GALC: variants seen among roughly 807,000 people sequenced by gnomAD.
GALC encodes the protein galactosylceramidase.
Under a neutral mutation model 91.8 loss-of-function variants are expected in GALC, and 77 were observed. The ratio of observed to expected loss-of-function variants is 0.84; its 90% confidence interval spans 0.70 to 1.01. GALC has a LOEUF of 1.01. Among genes scored for constraint, GALC ranks in the 50% least tolerant of loss-of-function variants. The pLI, the probability that GALC is intolerant of heterozygous loss-of-function variation, is 0.00. For missense variants in GALC, 882 were observed against 855.9 expected (o/e 1.03, Z -0.38); for synonymous variants, 357 against 306.7 (o/e 1.16, Z -1.71).
rs1248283732 is a variant in GALC, at chr14:87,984,460, G to A, written c.516C>T (p.Ala172=). Residue 172 remains alanine (A), a synonymous_variant, in exon 5 of 17, where the codon GCC becomes GCT. Coordinates refer to ENST00000261304, the MANE Select transcript of GALC (RefSeq NM_000153.4). ...DWPYVNLQLT[A]YYVVTWIVGA... ...CCACAATCCAGGTCACGACATAATA[G>A]GCAGTCAGCTGAAGATTGACATAAG... 8 of 1,613,990 alleles carry A rather than the reference G, an allele frequency of 5.0e-6. No homozygotes were observed. In the South Asian group the frequency reaches 8.8e-5, roughly 18 times the overall value.
At position 87,965,541 on chromosome 14, in the gene GALC, C is replaced by T. The variant is rs190921137; in HGVS notation, c.997G>A (p.Gly333Arg). Residue 333 changes from glycine (G) to arginine (R), a missense_variant, in exon 9 of 17, where the codon GGG (glycine) becomes AGG (arginine). Coordinates refer to ENST00000261304, the MANE Select transcript of GALC (RefSeq NM_000153.4). Reference protein sequence around the residue: ...GLMTAQEPWSGHYVVESPVWV... With the variant: ...GLMTAQEPWSRHYVVESPVWV... Reference sequence around the variant, plus strand: ...ACAGGAGATTCTACCACGTAGTGCCCACTCCATGGCTCCTGGGCCGTCATC... The same window carrying T: ...ACAGGAGATTCTACCACGTAGTGCCTACTCCATGGCTCCTGGGCCGTCATC... 678 of 1,613,492 alleles carry T rather than the reference C, an allele frequency of 4.2e-4. 2 individuals are homozygous for T. In the African/African-American group the frequency reaches 8.3e-3, roughly 20 times the overall value.
Position 87,970,445 on chromosome 14 carries a change from T to C in GALC, c.753-1955A>G, listed in dbSNP as rs557547138. ...TGAAGTTATAGGAATAGGTGATATA[T>C]CCTTCATTCAGAAAATGATGAAACT... On this transcript the variant is annotated intron_variant, in intron 7 of 16. Coordinates refer to ENST00000261304, the MANE Select transcript of GALC (RefSeq NM_000153.4). Among the ~76,000 whole-genome samples the C allele has an allele frequency of 8.5e-5, 13 of 152,204 alleles. 1 individual carries two copies. Among genetic ancestry groups the C allele is most frequent in the African/African-American group, 2.6e-4 (11 of 41,530 alleles).
intron 10 of GALC, among the ~76,000 whole-genome samples, chr14:87,957,320 TA>T (rs1885599347): frequency 6.6e-6 from 1 of 152,160 alleles, no homozygotes; most frequent in East Asian, 1.9e-4. Context: ...AGTTATAAAT[TA>T]TTTGCCTAGG....
At chr14:87,982,466 G>T (rs1886791353) in intron 5 of GALC, among the ~76,000 whole-genome samples, 1 of 151,968 alleles carries the variant, frequency 6.6e-6, no homozygotes, top group Non-Finnish European at 1.5e-5. Context: ...TATTTAGTGG[G>T]TATTTTTCAA....
At chr14:87,970,267 T>G (rs1886230641) in intron 7 of GALC, among the ~76,000 whole-genome samples, 1 of 152,140 alleles carries the variant, frequency 6.6e-6, no homozygotes. Context: ...TATTTCTATA[T>G]TAAAGAAAAC....
rs202135871 is a variant in GALC at position 87,947,749 on chromosome 14, A to T, written c.1468T>A (p.Tyr490Asn). Residue 490 changes from tyrosine (Y) to asparagine (N), a missense_variant, in exon 13 of 17, where the codon TAT becomes AAT. Transcript: ENST00000261304. ...TCACCAACATTGAAATCATCCTTAT[A>T]GGTACTTGGGAAGGGCTGGGATTTT... ...PPKSQPFPST[Y>N]KDDFNVDYPF... 2 of 1,612,868 alleles carry T rather than the reference A, an allele frequency of 1.2e-6. No individual in the cohort carries two copies. The highest frequency in any genetic ancestry group is 1.7e-6 in the Non-Finnish European group (2 of 1,179,208).
Position 87,945,636 on chromosome 14 carries a change from C to T in GALC, c.1587G>A (p.Thr529=), listed in dbSNP as rs184748969. 75 of 1,609,776 alleles carry T rather than the reference C, an allele frequency of 4.7e-5. No homozygotes were observed. Among genetic ancestry groups the T allele is most frequent in the Non-Finnish European group, 5.7e-5 (67 of 1,176,428 alleles). ...NIEDPGEHHF[T]LRQVLNQRPI... is the part of the protein sequence containing the mutation. ...GTCTCTGGTTGAGAACTTGGCGTAG[C>T]GTGAAGTGATGCTCGCCAGGGTCTT... Residue 529 remains threonine (T), a synonymous_variant, in exon 14 of 17, where the codon ACG becomes ACA. Coordinates refer to ENST00000261304, the MANE Select transcript of GALC (RefSeq NM_000153.4).
chr14:87,986,539 C>G lies in GALC; in HGVS notation c.392G>C (p.Trp131Ser). Residue 131 changes from tryptophan (W) to serine (S), a missense_variant, in exon 4 of 17, where the codon TGG becomes TCG. Coordinates refer to ENST00000261304, the MANE Select transcript of GALC (RefSeq NM_000153.4). ...LDENYFRGYE[W>S]WLMKEAKKRN... ...CTTCTTAGCTTCTTTCATCAACCAC[C>G]ACTCGTATCCTCGGAAATAATTCTC... The G allele has an allele frequency of 1.9e-6, 3 of 1,613,690 alleles. No individual in the cohort carries two copies. Among genetic ancestry groups the G allele is most frequent in the Non-Finnish European group, 2.5e-6 (3 of 1,179,640 alleles).
chr14:87,943,333 C>T (rs190913163), intron 14 of GALC, among the ~76,000 whole-genome samples: 1 of 152,100 alleles, frequency 6.6e-6, no homozygotes, highest in East Asian at 1.9e-4. Flanking sequence ...TACAATCTAT[C>T]CCATATAATC....
intron 10 of GALC, among the ~76,000 whole-genome samples, chr14:87,955,605 T>C (rs1885501945): frequency 6.6e-6 from 1 of 152,114 alleles, no homozygotes; most frequent in Admixed American, 6.6e-5. Flanking sequence ...TGTGAAATCA[T>C]TTCCTTGATT....
At chr14:87,936,118 T>C (rs1344648555) in intron 16 of GALC, among the ~76,000 whole-genome samples, 2 of 152,004 alleles carry the variant, frequency 1.3e-5, no homozygotes, top group Admixed American at 1.3e-4. Flanking sequence ...CTTCACACAA[T>C]GTCAGCTACA....
At chr14:87,986,941 C>T (rs1887000776) in intron 3 of GALC, 11 of 437,728 alleles carry the variant, frequency 2.5e-5, no homozygotes, top group South Asian at 1.6e-4. Flanking sequence ...TTTTCAAATC[C>T]CCATGTCCAA....
At chr14:87,955,322 A>G in intron 10 of GALC, 1 of 598,424 alleles carries the variant, frequency 1.7e-6, no homozygotes, top group Non-Finnish European at 3.0e-6. Flanking sequence ...TTTTACAAAG[A>G]GAATTTCAAT....
Position 87,933,590 on chromosome 14 carries a change from CTA to C in GALC, c.*1140_*1141del. On this transcript the variant is annotated 3_prime_UTR_variant, in exon 17 of 17. Coordinates refer to ENST00000261304, the MANE Select transcript of GALC (RefSeq NM_000153.4). ...ATGCAAAACTTCACTGTAGCTAAGC[CTA>C]TGTTAGACTCTTACAAATTCCTAAA... The C allele has an allele frequency of 5.9e-6, 1 of 168,926 alleles. No homozygotes were observed. The highest frequency in any genetic ancestry group is 1.3e-5 in the Non-Finnish European group (1 of 79,338). 10.5% of individuals were successfully genotyped at this position (168,926 alleles called of 1,614,324 possible).
intron 4 of GALC, 98 bp downstream of exon 4, chr14:87,986,391 G>A: frequency 1.3e-6 from 1 of 772,970 alleles, no homozygotes; most frequent in Non-Finnish European, 2.2e-6. Context: ...ATGACATTAT[G>A]AGTACTTCCG....
intron 6 of GALC, among the ~76,000 whole-genome samples, chr14:87,977,044 G>GGA (rs59046532): frequency 8.0e-6 from 1 of 124,672 alleles, no homozygotes; most frequent in African/African-American, 3.4e-5. Flanking sequence ...GGGGGGGGGG[G>GGA]ATGAAACAAA....
At chr14:87,945,333 TATTA>T (rs1360765137) in intron 14 of GALC, among the ~76,000 whole-genome samples, 1 of 152,012 alleles carries the variant, frequency 6.6e-6, no homozygotes, top group Non-Finnish European at 1.5e-5. Flanking sequence ...TAATAATCAC[TATTA>T]AATAGGGCAA....
At chr14:87,969,783 T>C (rs2140004080) in intron 7 of GALC, among the ~76,000 whole-genome samples, 1 of 152,324 alleles carries the variant, frequency 6.6e-6, no homozygotes, top group South Asian at 2.1e-4. Context: ...ATTTGGTAAT[T>C]CTTTATACCT....
intron 8 of GALC, among the ~76,000 whole-genome samples, chr14:87,966,231 T>C (rs932656164): frequency 1.3e-5 from 2 of 152,210 alleles, no homozygotes; most frequent in African/African-American, 4.8e-5. Flanking sequence ...GTCTGGGCCG[T>C]AGTATTGCTA....
Sources: allele counts gnomAD v4.1 joint callset (sites outside exome capture counted in the v4.1 genomes callset), GRCh38; gene constraint gnomAD v4.1.1; transcripts MANE v1.5; gene names NCBI Gene and HGNC (gene_info 2026-07-23, HGNC 2026-07-21).